KLF13: variants seen among roughly 807,000 people sequenced by gnomAD.
KLF13 encodes KLF transcription factor 13, also known as Krueppel-like factor 13.
Under a neutral mutation model 16.7 loss-of-function variants are expected in KLF13, and 8 were observed. The ratio of observed to expected loss-of-function variants is 0.48; its 90% CI spans 0.28 to 0.87. The LOEUF is 0.87. Ranked by LOEUF, KLF13 falls within the 40% of genes least tolerant of loss-of-function variation. KLF13 has a pLI of 0.10. For synonymous variants in KLF13, 245 were observed against 208.4 expected, an observed-to-expected ratio of 1.18 and a Z score of -1.51; for missense variants, 447 against 452.2, an observed-to-expected ratio of 0.99 and a Z score of 0.10.
Position 31,327,454 on chromosome 15 carries a change from C to A in KLF13, c.242C>A (p.Ala81Glu). Residue 81 changes from alanine to glutamate, a missense_variant, in exon 1 of 2, where the codon GCG (alanine) becomes GAG (glutamate). Ala to Glu is a moderately radical substitution (Grantham distance 107). Transcript: ENST00000307145. ...LNQQAPAPAP[A>E]ERREGAAARK... ...CAGCAAGCGCCGGCGCCCGCCCCGG[C>A]GGAGCGCAGGGAGGGCGCCGCGGCC... The A allele has an allele frequency of 1.7e-6, 2 of 1,162,932 alleles. No homozygotes were observed. The highest frequency in any genetic ancestry group is 2.8e-5 in the South Asian group (1 of 35,764). 72.0% of individuals were successfully genotyped at this position (1,162,932 alleles called of 1,614,324 possible).
chr15:31,361,682 GC>G (rs2039390891), intron 1 of KLF13, among the ~76,000 whole-genome samples: 1 of 152,140 alleles, frequency 6.6e-6, no homozygotes, highest in Non-Finnish European at 1.5e-5. Context: ...TGCCTAGAGA[GC>G]CGGCTGGGAG....
chr15:31,413,844 A>G (rs1449977487), intron 1 of KLF13, among the ~76,000 whole-genome samples: 1 of 152,208 alleles, frequency 6.6e-6, no homozygotes, highest in Non-Finnish European at 1.5e-5. Context: ...AAAAGACACT[A>G]TAAATGCATA....
chr15:31,332,593 T>C (rs571604914), intron 1 of KLF13, among the ~76,000 whole-genome samples: 1 of 152,354 alleles, frequency 6.6e-6, no homozygotes, highest in South Asian at 2.1e-4. Context: ...GTAGCCTGTG[T>C]CTGGGGCTTC....
At chr15:31,333,982 G>C (rs1348567975) in intron 1 of KLF13, among the ~76,000 whole-genome samples, 1 of 152,032 alleles carries the variant, frequency 6.6e-6, no homozygotes. Flanking sequence ...ATATTAGCCT[G>C]TCCTACTGCA....
At chr15:31,333,729 C>T (rs1169906213) in intron 1 of KLF13, among the ~76,000 whole-genome samples, 1 of 152,146 alleles carries the variant, frequency 6.6e-6, no homozygotes, top group African/African-American at 2.4e-5. Flanking sequence ...GTTAATCACA[C>T]ATTGCATTTG....
chr15:31,413,863 T>C (rs1222985165), intron 1 of KLF13, among the ~76,000 whole-genome samples: 5 of 152,214 alleles, frequency 3.3e-5, no homozygotes, highest in Non-Finnish European at 7.4e-5. Flanking sequence ...TATTTTCTCT[T>C]TTGTCTCATA....
downstream of KLF13, among the ~76,000 whole-genome samples, chr15:31,405,017 T>A (rs977164082): frequency 6.6e-6 from 1 of 152,178 alleles, no homozygotes; most frequent in African/African-American, 2.4e-5. Context: ...ACCAATGATA[T>A]GCTTATGCTG....
At chr15:31,334,083 A>T (rs2038884899) in intron 1 of KLF13, among the ~76,000 whole-genome samples, 1 of 152,090 alleles carries the variant, frequency 6.6e-6, no homozygotes, top group African/African-American at 2.4e-5. Context: ...TTGACTGGAG[A>T]GATGTTGGGG....
At chr15:31,369,248 G>A (rs370141122) in intron 1 of KLF13, among the ~76,000 whole-genome samples, 3 of 152,182 alleles carry the variant, frequency 2.0e-5, no homozygotes, top group Admixed American at 6.5e-5. Context: ...CAGTTGTATG[G>A]CCTTTGTTTA....
At chr15:31,332,561 T>C (rs1309356380) in intron 1 of KLF13, among the ~76,000 whole-genome samples, 1 of 152,182 alleles carries the variant, frequency 6.6e-6, no homozygotes, top group Non-Finnish European at 1.5e-5. Flanking sequence ...AGCAAACTGA[T>C]AGGACGCAGT....
At chr15:31,400,984 G>A (rs991278238) in intron 2 of KLF13, among the ~76,000 whole-genome samples, 2 of 151,994 alleles carry the variant, frequency 1.3e-5, no homozygotes, top group African/African-American at 4.8e-5. Flanking sequence ...GCTGCAATGT[G>A]TCCCGTCGAT....
At chr15:31,368,526 TC>T (rs1595477611) in intron 1 of KLF13, among the ~76,000 whole-genome samples, 2 of 152,226 alleles carry the variant, frequency 1.3e-5, no homozygotes, top group African/African-American at 4.8e-5. Flanking sequence ...CACTTCTTCT[TC>T]TTGTTATGGA....
intron 1 of KLF13, among the ~76,000 whole-genome samples, chr15:31,356,542 ACTCCGT>A (rs2039303069): frequency 6.6e-6 from 1 of 152,116 alleles, no homozygotes; most frequent in African/African-American, 2.4e-5. Flanking sequence ...ACAGAGCGAG[ACTCCGT>A]CTCAAAAAAT....
intron 1 of KLF13, among the ~76,000 whole-genome samples, chr15:31,330,174 G>A (rs2038801702): frequency 6.6e-6 from 1 of 152,166 alleles, no homozygotes; most frequent in African/African-American, 2.4e-5. Flanking sequence ...ACCCAGGCAG[G>A]CCTCAGGGAT....
chr15:31,352,019 A>G (rs2039224579), intron 1 of KLF13, among the ~76,000 whole-genome samples: 1 of 152,108 alleles, frequency 6.6e-6, no homozygotes, highest in Non-Finnish European at 1.5e-5. Flanking sequence ...GTCAAAAAAA[A>G]AAAAGGGAGG....
intron 1 of KLF13, among the ~76,000 whole-genome samples, chr15:31,348,937 G>C (rs1215013630): frequency 6.6e-6 from 1 of 151,996 alleles, no homozygotes; most frequent in Non-Finnish European, 1.5e-5. Flanking sequence ...GGATTTTCTG[G>C]GGTCTCCTTT....
At chr15:31,434,940 C>T (rs986048922) in intron 1 of KLF13, among the ~76,000 whole-genome samples, 1 of 152,142 alleles carries the variant, frequency 6.6e-6, no homozygotes, top group Non-Finnish European at 1.5e-5. Context: ...TGGCGGGGGC[C>T]GGGGGACTGG....
In KLF13 at chr15:31,327,141, C is replaced by G; in HGVS notation, c.-72C>G. On this transcript the variant is annotated 5_prime_UTR_variant, in exon 1 of 2. Coordinates refer to ENST00000307145, the MANE Select transcript of KLF13 (RefSeq NM_015995.4). ...GCGCCCCCGCCCCCCGCCCGCTCTC[C>G]CGAGGCCGTGGGTGCGGATGCGCGG... The G allele has an allele frequency of 1.6e-6, 2 of 1,226,266 alleles. No homozygotes were observed. Among genetic ancestry groups the G allele is most frequent in the Non-Finnish European group, 2.0e-6 (2 of 978,794 alleles). The allele number at this position is 1,226,266 out of a possible 1,614,324, so 76.0% of individuals were successfully genotyped here.
At chr15:31,414,373 A>G (rs1413058825) in intron 1 of KLF13, among the ~76,000 whole-genome samples, 10 of 152,212 alleles carry the variant, frequency 6.6e-5, no homozygotes, top group Non-Finnish European at 1.3e-4. Flanking sequence ...TAATTATATC[A>G]ATAATATCAA....
Sources: allele counts gnomAD v4.1 joint callset (sites outside exome capture counted in the v4.1 genomes callset), GRCh38; gene constraint gnomAD v4.1.1; transcripts MANE v1.5; gene names NCBI Gene and HGNC (gene_info 2026-07-23, HGNC 2026-07-21).